TASP1: variants seen among roughly 807,000 people sequenced by gnomAD.
The protein encoded by TASP1 is threonine aspartase 1.
TASP1 carries 16 observed loss-of-function variants against 56.6 expected under a neutral mutation model. The ratio of observed to expected loss-of-function variants is 0.28; its 90% CI spans 0.19 to 0.43. The LOEUF is 0.43. TASP1 is among the 20% of genes least tolerant of loss of function. TASP1 has a pLI of 1.00. For missense variants in TASP1, 393 were observed against 511.6 expected, an observed-to-expected ratio of 0.77 and a Z score of 2.24; for synonymous variants, 179 against 184.2, an observed-to-expected ratio of 0.97 and a Z score of 0.23.
chr20:13,168,017 T>C, the TASP1 span: 1 of 152,228 alleles, frequency 6.6e-6, no homozygotes, highest in African/African-American at 2.4e-5. Context: ...TGGGACATTT[T>C]GTTCCCATTT....
intron 13 of TASP1, among the ~76,000 whole-genome samples, chr20:13,415,596 C>T (rs1167986173): frequency 6.6e-6 from 1 of 152,040 alleles, no homozygotes; most frequent in Non-Finnish European, 1.5e-5. Flanking sequence ...CAATTGACTA[C>T]CAGCTGGAGA....
At chr20:13,221,727 C>CGCCGCCGCCG in the TASP1 span, 1 of 1,338,528 alleles carries the variant, frequency 7.5e-7, no homozygotes, top group Non-Finnish European at 9.5e-7. Context: ...GCGTCACCGC[C>CGCCGCCGCCG]GCCGCCGCCG....
intron 4 of TASP1, 81 bp downstream of exon 4, chr20:13,623,361 TTGAC>T: frequency 8.8e-7 from 1 of 1,140,648 alleles, no homozygotes; most frequent in Non-Finnish European, 1.3e-6. Flanking sequence ...TAATTTATGG[TTGAC>T]TAACTCAACA....
At chr20:13,263,065 C>T in the TASP1 span, among the ~76,000 whole-genome samples, 1 of 152,122 alleles carries the variant, frequency 6.6e-6, no homozygotes, top group African/African-American at 2.4e-5. Flanking sequence ...GTCAGAGTGC[C>T]CAGCAAAGAC....
At chr20:13,202,232 A>G in the TASP1 span, among the ~76,000 whole-genome samples, 52 of 152,314 alleles carry the variant, frequency 3.4e-4, no homozygotes, top group African/African-American at 1.3e-3. Context: ...TATTCCCTCC[A>G]TGGCTGAGTT....
At chr20:13,214,177 G>A in the TASP1 span, among the ~76,000 whole-genome samples, 1 of 152,186 alleles carries the variant, frequency 6.6e-6, no homozygotes, top group Non-Finnish European at 1.5e-5. Flanking sequence ...TGATGATGTA[G>A]GAGGATCTCC....
At chr20:13,612,872 G>C (rs756404890) in intron 4 of TASP1, among the ~76,000 whole-genome samples, 1 of 152,134 alleles carries the variant, frequency 6.6e-6, no homozygotes, top group Non-Finnish European at 1.5e-5. Context: ...CCCTGCCCAA[G>C]AAATTAAAAT....
chr20:13,396,506 G>T (rs1411361509), intron 13 of TASP1, among the ~76,000 whole-genome samples: 1 of 152,206 alleles, frequency 6.6e-6, no homozygotes, highest in African/African-American at 2.4e-5. Flanking sequence ...AACGGAAAAT[G>T]AAGACTGGGT....
chr20:13,408,864 T>C lies in TASP1; in HGVS notation c.1170+8584A>G, dbSNP rs558780644. Among the ~76,000 whole-genome samples the C allele has an allele frequency of 4.6e-5, 7 of 152,184 alleles. No homozygotes were observed. In the South Asian group the frequency reaches 1.2e-3, roughly 27 times the overall value. On this transcript the variant is annotated intron_variant, in intron 13 of 13. Transcript: ENST00000337743. The stretch of plus-strand genomic sequence containing the variant: ...GCTATTGGTAATTTGTGGGTTTCTT[T>C]CTTTCTTTCCTAATCATTCTTTCTA...
At chr20:13,428,769 C>A (rs181975011) in intron 12 of TASP1, among the ~76,000 whole-genome samples, 191 of 152,116 alleles carry the variant, frequency 1.3e-3, no homozygotes, top group African/African-American at 4.4e-3. Flanking sequence ...GGATGCTCCT[C>A]ATTATCCAAC....
the TASP1 span, among the ~76,000 whole-genome samples, chr20:13,134,435 G>A: frequency 2.7e-4 from 41 of 152,140 alleles, no homozygotes; most frequent in Middle Eastern, 3.2e-3. Flanking sequence ...AAGTTCCCCC[G>A]CATGTCCCCA....
the TASP1 span, among the ~76,000 whole-genome samples, chr20:13,356,850 G>A: frequency 6.6e-6 from 1 of 152,080 alleles, no homozygotes; most frequent in Non-Finnish European, 1.5e-5. Context: ...ATGGCAGTAA[G>A]TAATAAACCC....
intron 10 of TASP1, among the ~76,000 whole-genome samples, chr20:13,499,188 C>A (rs2043850527): frequency 6.6e-6 from 1 of 152,064 alleles, no homozygotes; most frequent in Non-Finnish European, 1.5e-5. Flanking sequence ...AAGTCATCAT[C>A]CTAAGCAAAC....
chr20:13,362,967 C>A, the TASP1 span, among the ~76,000 whole-genome samples: 1 of 151,656 alleles, frequency 6.6e-6, no homozygotes, highest in African/African-American at 2.4e-5. Context: ...GAGACAGGGA[C>A]CCTAATACCC....
At chr20:13,139,740 ACCTCCACC>A in the TASP1 span, among the ~76,000 whole-genome samples, 1 of 152,076 alleles carries the variant, frequency 6.6e-6, no homozygotes, top group Non-Finnish European at 1.5e-5. Context: ...ACAGTACTTA[ACCTCCACC>A]CAGGACATTC....
intron 11 of TASP1, among the ~76,000 whole-genome samples, chr20:13,465,011 T>G (rs540186161): frequency 2.0e-5 from 3 of 150,736 alleles, no homozygotes; most frequent in Admixed American, 2.0e-4. Flanking sequence ...AAATAAATAA[T>G]AAATAAAAAA....
the TASP1 span, among the ~76,000 whole-genome samples, chr20:13,114,487 A>G: frequency 6.6e-6 from 1 of 152,190 alleles, no homozygotes; most frequent in African/African-American, 2.4e-5. Context: ...AAATTAATCA[A>G]GGAATAATAG....
At chr20:13,358,850 C>T in the TASP1 span, among the ~76,000 whole-genome samples, 6 of 151,812 alleles carry the variant, frequency 4.0e-5, no homozygotes, top group East Asian at 1.2e-3. Flanking sequence ...GCAAGTCCCG[C>T]TTTTCTGGGG....
At chr20:13,388,864 A>G (rs2041183322), downstream of TASP1, among the ~76,000 whole-genome samples, 1 of 152,222 alleles carries the variant, frequency 6.6e-6, no homozygotes, top group African/African-American at 2.4e-5. Context: ...CACCCACTAT[A>G]TTTTGGTTGT....
Sources: gnomAD v4.1 joint callset for allele counts (sites outside exome capture counted in the v4.1 genomes callset) on GRCh38, gnomAD v4.1.1 for gene constraint, MANE v1.5 for transcripts, NCBI Gene and HGNC (gene_info 2026-07-23, HGNC 2026-07-21) for gene names.